Variants in C16orf96 observed in about 807,000 individuals in gnomAD.
C16orf96 encodes chromosome 16 open reading frame 96, also known as uncharacterized protein C16orf96.
In C16orf96, 108 loss-of-function variants were observed where a neutral mutation model predicts 103.6. That is an observed-to-expected ratio of 1.04 (90% CI 0.89 to 1.22). The LOEUF (loss-of-function observed/expected upper bound fraction) is 1.22. C16orf96 is among the 50% of genes most tolerant of loss of function. The probability of loss-of-function intolerance (pLI) is 0.00; values close to 1 mark genes in which losing one functional copy is unlikely to be tolerated. For missense variants in C16orf96, 1,586 were observed against 1,464.2 expected (o/e 1.08, Z -1.36); for synonymous variants, 566 against 593.5 (o/e 0.95, Z 0.67).
chr16:4,546,303 C>T, the C16orf96 span, among the ~76,000 whole-genome samples: 14 of 151,670 alleles, frequency 9.2e-5, no homozygotes, highest in African/African-American at 2.7e-4. Flanking sequence ...GGACTACAGG[C>T]GCCCGCTACC....
In C16orf96 at chr16:4,579,040, C is replaced by A. The variant is rs758451783; in HGVS notation, c.2241+15C>A. On this transcript the variant is annotated intron_variant, in intron 6 of 15. Coordinates refer to ENST00000444310, the MANE Select transcript of C16orf96 (RefSeq NM_001145011.2). ...CTAGGCTCAAGGTTAGTGTCTCCGG[C>A]GAAGGGCTTTTGAGGCAGTGATGGC... 1 of 1,550,026 alleles carries A rather than the reference C, an allele frequency of 6.5e-7. No homozygotes were observed. Among genetic ancestry groups the A allele is most frequent in the South Asian group, 1.2e-5 (1 of 84,002 alleles).
At chr16:4,561,003 T>C (rs2059324133) in intron 1 of C16orf96, 2 of 151,812 alleles carry the variant, frequency 1.3e-5, no homozygotes, top group Non-Finnish European at 2.9e-5. Context: ...AAATACAAAA[T>C]TAGTCGGATG....
chr16:4,547,726 T>TTCTTTCTTTCTTTCTC, the C16orf96 span, among the ~76,000 whole-genome samples: 2 of 108,818 alleles, frequency 1.8e-5, no homozygotes, highest in Non-Finnish European at 4.2e-5. Flanking sequence ...CTTTCTTTCT[T>TTCTTTCTTTCTTTCTC]TCTTTCTTTC....
chr16:4,549,203 G>A, the C16orf96 span, among the ~76,000 whole-genome samples: 3 of 152,164 alleles, frequency 2.0e-5, no homozygotes, highest in South Asian at 2.1e-4. Flanking sequence ...GGCCGGGCGC[G>A]GTGGCTCACG....
At chr16:4,584,970 CA>C (rs961241771) in intron 7 of C16orf96, among the ~76,000 whole-genome samples, 37 of 152,062 alleles carry the variant, frequency 2.4e-4, no homozygotes, top group African/African-American at 8.5e-4. Context: ...TGCGCCCAGC[CA>C]AAATAATAAG....
Position 4,562,863 on chromosome 16 carries a change from C to T in C16orf96, c.420+5954C>T, listed in dbSNP as rs1047004635. The T allele has an allele frequency of 2.0e-5, 28 of 1,382,238 alleles. No individual in the cohort carries two copies. The East Asian group carries it at 6.5e-4, about 32-fold the overall frequency. 85.6% of individuals were successfully genotyped at this position (1,382,238 alleles called of 1,614,324 possible). A position where few individuals can be genotyped will look rare whatever the true frequency, so the allele number is the denominator to read the frequency against. ...GTCAGAAATCTGTTCTGTCAGCTGG[C>T]TCCATTGTTCTGGATTTAAAGAAAT... is the stretch of plus-strand genomic sequence containing the variant. On this transcript the variant is annotated intron_variant, in intron 1 of 15. Transcript: ENST00000444310.
chr16:4,599,592 C>A (rs1266522297), intron 15 of C16orf96, among the ~76,000 whole-genome samples: 2 of 152,222 alleles, frequency 1.3e-5, no homozygotes, highest in Non-Finnish European at 2.9e-5. Flanking sequence ...GCTGCAGGGG[C>A]GGCAACAAGG....
chr16:4,591,807 C>A, intron 10 of C16orf96, 23 bp downstream of exon 10: 1 of 1,442,678 alleles, frequency 6.9e-7, no homozygotes, highest in Admixed American at 2.5e-5. Context: ...CCGAGCCCCT[C>A]CTGGTAGGGG....
the C16orf96 span, among the ~76,000 whole-genome samples, chr16:4,549,490 A>C: frequency 6.7e-6 from 1 of 149,828 alleles, no homozygotes; most frequent in Non-Finnish European, 1.5e-5. Context: ...AAAAAAAAAA[A>C]CAACCAACCA....
Position 4,556,697 on chromosome 16 carries a change from A to T in C16orf96, c.208A>T (p.Ile70Phe). ...IMPREGDAQPILNPMKRLSNV... is the reference protein window; with the variant it reads ...IMPREGDAQPFLNPMKRLSNV... ...GCCCAGGGAAGGAGACGCCCAGCCT[A>T]TCCTCAACCCCATGAAGAGGCTCAG... The change falls in exon 1 of 16, where the codon ATC (isoleucine) becomes TTC (phenylalanine). Residue 70 changes from isoleucine to phenylalanine, a missense_variant. Physicochemically the swap from Ile to Phe is conservative, Grantham distance 21. Coordinates refer to ENST00000444310, the MANE Select transcript of C16orf96 (RefSeq NM_001145011.2). 1 of 1,551,638 alleles carries T rather than the reference A, an allele frequency of 6.4e-7. No individual in the cohort carries two copies.
the C16orf96 span, among the ~76,000 whole-genome samples, chr16:4,541,163 C>T: frequency 6.6e-6 from 1 of 152,150 alleles, no homozygotes; most frequent in African/African-American, 2.4e-5. Context: ...CCGCCCGCCT[C>T]TGCCTCCCAA....
intron 1 of C16orf96, among the ~76,000 whole-genome samples, chr16:4,559,587 G>T (rs1260116980): frequency 2.0e-5 from 3 of 151,662 alleles, no homozygotes; most frequent in African/African-American, 7.3e-5. Flanking sequence ...ATAAATTGAG[G>T]GGAAATTGAC....
Position 4,564,072 on chromosome 16 carries a change from G to A in C16orf96, c.420+7163G>A, listed in dbSNP as rs201083542. Reference sequence around the variant, plus strand: ...AATTAGCTGCTAGTCGGGAGGCTGAGACAAGAGAATTGCTTGAACCTGGGA... The same window carrying A: ...AATTAGCTGCTAGTCGGGAGGCTGAAACAAGAGAATTGCTTGAACCTGGGA... On this transcript the variant is annotated intron_variant, in intron 1 of 15. Transcript: ENST00000444310. 3.6e-4 allele frequency among the ~76,000 whole-genome samples: 55 copies of A among 151,948 alleles called. No homozygotes were observed. In the East Asian group the frequency reaches 4.9e-3, roughly 14 times the overall value.
At chr16:4,594,648 T>A in intron 13 of C16orf96, 56 bp from the exon 14 acceptor site, 1 of 1,545,484 alleles carries the variant, frequency 6.5e-7, no homozygotes, top group Non-Finnish European at 8.8e-7. Flanking sequence ...TGTACCAAAG[T>A]TCGGGGGCAG....
intron 9 of C16orf96, among the ~76,000 whole-genome samples, 199 bp from the exon 10 acceptor site, chr16:4,591,467 T>C (rs1897057386): frequency 6.6e-6 from 1 of 151,966 alleles, no homozygotes; most frequent in Non-Finnish European, 1.5e-5. Flanking sequence ...ACCTTGCAGC[T>C]CCCCTCTACC....
chr16:4,557,812 G>A (rs945810086), intron 1 of C16orf96, among the ~76,000 whole-genome samples: 2 of 152,076 alleles, frequency 1.3e-5, no homozygotes, highest in Admixed American at 1.3e-4. Flanking sequence ...TGGGACCACA[G>A]GTGTGCACCA....
intron 6 of C16orf96, 48 bp downstream of exon 6, chr16:4,579,073 G>C: frequency 6.7e-7 from 1 of 1,503,432 alleles, no homozygotes; most frequent in Non-Finnish European, 9.1e-7. Context: ...GGCTTGAGGT[G>C]AGCTGGCTGA....
At chr16:4,599,141 G>T in intron 14 of C16orf96, 143 bp from the exon 15 acceptor site, 2 of 643,674 alleles carry the variant, frequency 3.1e-6, no homozygotes, top group Non-Finnish European at 2.7e-6. Flanking sequence ...GAAGAACATT[G>T]ATTATCCCAT....
Position 4,580,023 on chromosome 16 carries a change from A to C in C16orf96, c.2250A>C (p.Glu750Asp). ...SLQKSRLKEE[E>D]LERIWGNQIE... ...GTGTCTCCCCCTTTTAGGAGGAAGA[A>C]CTTGAGAGAATTTGGGGCAACCAAA... is the stretch of plus-strand genomic sequence containing the variant. The change falls in exon 7 of 16, where the codon GAA (glutamate) becomes GAC (aspartate). Residue 750 changes from glutamate (E) to aspartate (D), a missense_variant. Glu to Asp is a conservative substitution (Grantham distance 45). Transcript: ENST00000444310. 6.4e-7 allele frequency: 1 copy of C among 1,551,230 alleles called. No homozygotes were observed. Among genetic ancestry groups the C allele is most frequent in the Non-Finnish European group, 8.7e-7 (1 of 1,146,756 alleles).
Sources: gnomAD v4.1 joint callset for allele counts (sites outside exome capture counted in the v4.1 genomes callset) on GRCh38, gnomAD v4.1.1 for gene constraint, MANE v1.5 for transcripts, NCBI Gene and HGNC (gene_info 2026-07-23, HGNC 2026-07-21) for gene names.